The following BCAS3 variants were observed in gnomAD, a reference collection of about 807,000 sequenced individuals.
BCAS3 encodes the protein BCAS3 microtubule associated cell migration factor, also known as BCAS4/BCAS3 fusion.
BCAS3 carries 53 observed loss-of-function variants against 116.1 expected under a neutral mutation model. That is an observed-to-expected ratio of 0.46 (90% CI 0.37 to 0.57). The LOEUF (loss-of-function observed/expected upper bound fraction) is 0.57, where lower values mean the gene tolerates loss of function less well. BCAS3 is among the 20% of genes least tolerant of loss of function. The pLI, the probability that BCAS3 is intolerant of heterozygous loss-of-function variation, is 0.00. For missense variants in BCAS3, 917 were observed against 1,165.4 expected (o/e 0.79, Z 3.10); for synonymous variants, 391 against 408.2 (o/e 0.96, Z 0.51).
chr17:60,744,572 T>A (rs1272276240), intron 5 of BCAS3, among the ~76,000 whole-genome samples: 1 of 152,138 alleles, frequency 6.6e-6, no homozygotes, highest in East Asian at 1.9e-4. Flanking sequence ...CTCGAGGAAG[T>A]TTGACATTTT....
chr17:61,096,117 C>T (rs191596878), intron 22 of BCAS3, among the ~76,000 whole-genome samples: 269 of 152,278 alleles, frequency 1.8e-3, no homozygotes, highest in Middle Eastern at 3.4e-3. Context: ...TGTGCCTCAG[C>T]CTCTGAGTAG....
intron 5 of BCAS3, among the ~76,000 whole-genome samples, chr17:60,723,752 T>C (rs2039508683): frequency 7.2e-6 from 1 of 138,924 alleles, no homozygotes; most frequent in Admixed American, 7.7e-5. Context: ...GAAGTCTCGC[T>C]CTGTTGCCCA....
chr17:60,784,222 AT>A (rs1168222539), intron 6 of BCAS3, among the ~76,000 whole-genome samples: 1 of 147,646 alleles, frequency 6.8e-6, no homozygotes. Flanking sequence ...TATATGTAAA[AT>A]TACCAAATTG....
At chr17:60,752,993 C>T (rs73334341) in intron 6 of BCAS3, among the ~76,000 whole-genome samples, 6,799 of 149,810 alleles carry the variant, frequency 0.045, 554 homozygotes, top group African/African-American at 0.16. Context: ...TACAGGCACA[C>T]GTCAGCATGC....
At chr17:60,819,889 A>G (rs1174223483) in intron 7 of BCAS3, among the ~76,000 whole-genome samples, 3 of 152,080 alleles carry the variant, frequency 2.0e-5, no homozygotes, top group African/African-American at 4.8e-5. Context: ...CAGCCTCCTT[A>G]ATAGCTAGGA....
chr17:61,138,691 A>C (rs1157232635), intron 22 of BCAS3, among the ~76,000 whole-genome samples: 1 of 152,214 alleles, frequency 6.6e-6, no homozygotes, highest in African/African-American at 2.4e-5. Context: ...TTGGAATAAG[A>C]GACTTACTTT....
intron 2 of BCAS3, among the ~76,000 whole-genome samples, chr17:60,681,633 C>T (rs1479740848): frequency 1.3e-5 from 2 of 150,176 alleles, no homozygotes; most frequent in East Asian, 4.0e-4. Context: ...CTCACTGCAA[C>T]CTCCGCCTTC....
chr17:60,807,772 ACTCTGTCT>A, intron 6 of BCAS3, among the ~76,000 whole-genome samples: 1 of 147,880 alleles, frequency 6.8e-6, no homozygotes, highest in Non-Finnish European at 1.5e-5. Flanking sequence ...ACAGAGCGAG[ACTCTGTCT>A]CAAAAAAAAA....
At chr17:60,684,719 C>T (rs1237980052) in intron 3 of BCAS3, among the ~76,000 whole-genome samples, 1 of 151,912 alleles carries the variant, frequency 6.6e-6, no homozygotes, top group Non-Finnish European at 1.5e-5. Context: ...TGAAATGGTA[C>T]CTTTGGGAAG....
At chr17:60,800,687 T>G (rs924537368) in intron 6 of BCAS3, among the ~76,000 whole-genome samples, 1 of 152,194 alleles carries the variant, frequency 6.6e-6, no homozygotes, top group Non-Finnish European at 1.5e-5. Context: ...TCCTGCAGAT[T>G]TTCTTCCATA....
rs2061474020 is a variant in BCAS3 at position 60,962,832 on chromosome 17, T to G, written c.1221+15480T>G. The stretch of plus-strand genomic sequence containing the variant: ...CTTTGCCCAGACCAATGTCCTGGAC[T>G]GTTTCTCCAAAGTTTTCTTTTAGTG... On this transcript the variant is annotated intron_variant, in intron 14 of 23. Coordinates refer to ENST00000407086, the MANE Select transcript of BCAS3 (RefSeq NM_017679.5). The surrounding 1 kb of genome is among the most constrained non-coding windows in gnomAD (Gnocchi z 4.4). Among the ~76,000 whole-genome samples the G allele has an allele frequency of 6.6e-6, 1 of 152,228 alleles. No homozygotes were observed. Among genetic ancestry groups the G allele is most frequent in the Admixed American group, 6.5e-5 (1 of 15,284 alleles).
At chr17:60,903,483 G>A (rs1367956753) in intron 11 of BCAS3, among the ~76,000 whole-genome samples, 1 of 152,178 alleles carries the variant, frequency 6.6e-6, no homozygotes, top group African/African-American at 2.4e-5. Flanking sequence ...AGCACTATGA[G>A]TTTTTAGATT....
intron 13 of BCAS3, among the ~76,000 whole-genome samples, chr17:60,940,547 G>A (rs965286866): frequency 1.3e-5 from 2 of 152,100 alleles, no homozygotes; most frequent in African/African-American, 4.8e-5. Flanking sequence ...GGAGGTTAAC[G>A]CTTTCTTTCA....
At chr17:61,159,298 A>C (rs1240689805) in intron 22 of BCAS3, 1 of 152,172 alleles carries the variant, frequency 6.6e-6, no homozygotes, top group Non-Finnish European at 1.5e-5. Flanking sequence ...GTGTGTGTGG[A>C]TATTACCTCT....
rs753529380 is a variant in BCAS3 at position 61,243,861 on chromosome 17, C to G, written c.2426-124466C>G. On this transcript the variant is annotated intron_variant, in intron 22 of 23. Coordinates refer to ENST00000407086, the MANE Select transcript of BCAS3 (RefSeq NM_017679.5). This position sits in a 1 kb window ranked among gnomAD's most constrained non-coding sequence, Gnocchi z 5.6. ...AGTGCGCTGGTATGACCATAGGTCT[C>G]TGCAGCCTCAAACTCCTAGGCTCAA... Among the ~76,000 whole-genome samples, 18 of 152,216 alleles carry G rather than the reference C, an allele frequency of 1.2e-4. No individual in the cohort carries two copies. The highest frequency in any genetic ancestry group is 1.9e-4 in the Non-Finnish European group (13 of 68,044).
intron 6 of BCAS3, among the ~76,000 whole-genome samples, chr17:60,754,049 T>C (rs2042752529): frequency 2.5e-5 from 2 of 80,392 alleles, no homozygotes; most frequent in Non-Finnish European, 7.2e-5. Flanking sequence ...TTTATTTTAT[T>C]TTGAGACAGG....
At position 61,067,267 on chromosome 17, in the gene BCAS3, GTA is replaced by G. The variant is rs1285583305; in HGVS notation, c.2030-7651_2030-7650del. 5.3e-5 allele frequency among the ~76,000 whole-genome samples: 4 copies of G among 75,018 alleles called. 1 individual carries two copies. The highest frequency in any genetic ancestry group is 3.9e-4 in the African/African-American group (4 of 10,308). The allele number at this position is 75,018 out of a possible 152,430, so 49.2% of individuals were successfully genotyped here. ...TCATTTCATAACTTTATTTATGTGT[GTA>G]TGTGTATATATATATATATATATAT... is the stretch of plus-strand genomic sequence containing the variant. On this transcript the variant is annotated intron_variant, in intron 19 of 23. Transcript: ENST00000407086.
At chr17:61,022,389 G>A (rs1344969453) in intron 16 of BCAS3, among the ~76,000 whole-genome samples, 4 of 151,828 alleles carry the variant, frequency 2.6e-5, no homozygotes, top group Admixed American at 1.3e-4. Flanking sequence ...AGCTGGAGGC[G>A]CCCGCCACCA....
At chr17:61,137,826 T>A (rs930091866) in intron 22 of BCAS3, among the ~76,000 whole-genome samples, 2 of 152,196 alleles carry the variant, frequency 1.3e-5, no homozygotes, top group Non-Finnish European at 2.9e-5. Flanking sequence ...GCCCATGTAC[T>A]CTGTGGACGG....
Sources: gnomAD v4.1 joint callset for allele counts (sites outside exome capture counted in the v4.1 genomes callset) on GRCh38, gnomAD v4.1.1 for gene constraint, Gnocchi (gnomAD v3.1) non-coding constraint, MANE v1.5 for transcripts, NCBI Gene and HGNC (gene_info 2026-07-23, HGNC 2026-07-21) for gene names.